Variants in BCL6 observed in about 807,000 individuals in gnomAD.
The protein encoded by BCL6 is B-cell lymphoma 6 protein.
Under a neutral mutation model 59.5 loss-of-function variants are expected in BCL6, and 7 were observed. The observed-to-expected ratio is 0.12, with a 90% CI of 0.07 to 0.22. The LOEUF (loss-of-function observed/expected upper bound fraction) is 0.22. Among genes scored for constraint, BCL6 ranks in the 10% least tolerant of loss-of-function variants. The pLI is 1.00. For missense variants in BCL6, 685 were observed against 939.4 expected (o/e 0.73, Z 3.54); for synonymous variants, 339 against 349.7 (o/e 0.97, Z 0.34).
chr3:187,726,586 A>G lies in BCL6; in HGVS notation c.1708+145T>C, dbSNP rs1718706956. 8.0e-6 allele frequency: 9 copies of G among 1,129,262 alleles called. No homozygotes were observed. The South Asian group carries it at 1.4e-4, about 18-fold the overall frequency. The allele number at this position is 1,129,262 out of a possible 1,614,324, so 70.0% of individuals were successfully genotyped here. A position where few individuals can be genotyped will look rare whatever the true frequency, so the allele number is the denominator to read the frequency against. The stretch of plus-strand genomic sequence containing the variant: ...CACTAAGCAAAGACAAGACAGGGTT[A>G]GACCCCTCGTTCAGGCCAGGATGGG... On this transcript the variant is annotated intron_variant, in intron 7 of 9. Coordinates refer to ENST00000406870, the MANE Select transcript of BCL6 (RefSeq NM_001706.5).
rs1181308800 is a variant in BCL6, at chr3:187,742,341, A to C, written c.-50+3069T>G. Reference sequence around the variant, plus strand: ...TACCATTTACTCAACCAATAACTGGAACTCTTCAAGGGCTCAGCAAACGAC... The same window carrying C: ...TACCATTTACTCAACCAATAACTGGCACTCTTCAAGGGCTCAGCAAACGAC... On this transcript the variant is annotated intron_variant, in intron 1 of 9. Coordinates refer to ENST00000406870, the MANE Select transcript of BCL6 (RefSeq NM_001706.5). Among the ~76,000 whole-genome samples the C allele has an allele frequency of 2.6e-5, 4 of 152,328 alleles. No homozygotes were observed. In the East Asian group the frequency reaches 7.7e-4, roughly 29 times the overall value.
rs747509903 is a variant in BCL6, at chr3:187,726,874, T to C, written c.1565A>G (p.Glu522Gly). The C allele has an allele frequency of 8.1e-6, 13 of 1,614,126 alleles. No homozygotes were observed. The highest frequency in any genetic ancestry group is 1.1e-5 in the Non-Finnish European group (13 of 1,180,026). The change falls in exon 7 of 10, where the codon GAG becomes GGG. Residue 522 changes from glutamate (E) to glycine (G), a missense_variant. Physicochemically the swap from Glu to Gly is moderately conservative, Grantham distance 98. This residue lies in a region of BCL6 where 207 missense variants were observed against 213.7 expected (regional missense o/e 0.97). Transcript: ENST00000406870. ...CTCCTCAGAGAAGCGGCAGTCACACTCATTGCAGAAGAAGGCCCCGTTCTC... is the reference window on the plus strand; with the variant it reads ...CTCCTCAGAGAAGCGGCAGTCACACCCATTGCAGAAGAAGGCCCCGTTCTC... Reference protein sequence around the residue: ...SCENGAFFCNECDCRFSEEAS... With the variant: ...SCENGAFFCNGCDCRFSEEAS...
At chr3:187,743,219 C>G (rs992413155) in intron 1 of BCL6, among the ~76,000 whole-genome samples, 2 of 151,882 alleles carry the variant, frequency 1.3e-5, no homozygotes, top group Admixed American at 1.3e-4. Context: ...TACTGACACT[C>G]ACTTTACTTT....
intron 1 of BCL6, among the ~76,000 whole-genome samples, chr3:187,741,713 C>T (rs1224834163): frequency 2.0e-5 from 3 of 152,348 alleles, no homozygotes; most frequent in African/African-American, 7.2e-5. Flanking sequence ...TGTTGATTCA[C>T]AGAGGGCTAC....
Position 187,729,812 on chromosome 3 carries a change from T to C in BCL6, c.593A>G (p.Tyr198Cys). The C allele has an allele frequency of 6.2e-7, 1 of 1,614,062 alleles. No individual in the cohort carries two copies. Among genetic ancestry groups the C allele is most frequent in the Non-Finnish European group, 8.5e-7 (1 of 1,180,008 alleles). The change falls in exon 5 of 10, where the codon TAC becomes TGC. Residue 198 changes from tyrosine to cysteine, a missense_variant. By Grantham distance (194) the Tyr-to-Cys change is radical (BLOSUM62 -2). Coordinates refer to ENST00000406870, the MANE Select transcript of BCL6 (RefSeq NM_001706.5). This position sits in a 1 kb window ranked among gnomAD's most constrained non-coding sequence, Gnocchi z 5.6. ...GAGGCTGCTGACAGGGAGGTGGCTG[T>C]ACATGGAATAAGAGGCTGGCGGTGT... ...LSTPPASYSM[Y>C]SHLPVSSLLF...
In BCL6 at chr3:187,726,791, G is replaced by A. The variant is rs1488674146; in HGVS notation, c.1648C>T (p.Arg550Cys). 15 of 1,614,058 alleles carry A rather than the reference G, an allele frequency of 9.3e-6. No individual in the cohort carries two copies. The highest frequency in any genetic ancestry group is 1.7e-5 in the Admixed American group (1 of 60,000). ...TTGTAGCGGAAGGAGGCCTGGCAGCGGTCACACTTGTAGGGTTTGTCACTG... is the reference window on the plus strand; with the variant it reads ...TTGTAGCGGAAGGAGGCCTGGCAGCAGTCACACTTGTAGGGTTTGTCACTG... ...THSDKPYKCD[R>C]CQASFRYKGN... Residue 550 changes from arginine (R) to cysteine (C), a missense_variant, in exon 7 of 10, where the codon CGC becomes TGC. Physicochemically the swap from Arg to Cys is radical, Grantham distance 180. This residue lies in a region of BCL6 where 42 missense variants were observed against 101.7 expected (regional missense o/e 0.41). Transcript: ENST00000406870.
chr3:187,733,883 G>A (rs1046642204), intron 2 of BCL6, 180 bp from the exon 3 acceptor site: 4 of 642,060 alleles, frequency 6.2e-6, no homozygotes, highest in Non-Finnish European at 1.1e-5. Flanking sequence ...TTTAAAATGG[G>A]GAGAATAACT....
chr3:187,736,549 C>G (rs908043221), intron 1 of BCL6: 3 of 152,222 alleles, frequency 2.0e-5, no homozygotes, highest in African/African-American at 4.8e-5. Context: ...CCAGATTTGC[C>G]ATTTCACCAT....
In BCL6 at chr3:187,722,304, G is replaced by GGGCCCCCCCCCCCCC; in HGVS notation, c.*153_*154insGGGGGGGGGGGGGCC. ...GCTGCTGCGGCTCCCAGTCCCCCAG[G>GGGCCCCCCCCCCCCC]CCCCGACCCCCACCACCCCCAACCC... On this transcript the variant is annotated 3_prime_UTR_variant, in exon 10 of 10. Transcript: ENST00000406870. 6.5e-6 allele frequency: 2 copies of GGGCCCCCCCCCCCCC among 309,286 alleles called. No individual in the cohort carries two copies. Among genetic ancestry groups the GGGCCCCCCCCCCCCC allele is most frequent in the East Asian group, 5.6e-5 (1 of 17,940 alleles). The allele number at this position is 309,286 out of a possible 1,614,324, so 19.2% of individuals were successfully genotyped here. A position where few individuals can be genotyped will look rare whatever the true frequency, so the allele number is the denominator to read the frequency against.
At chr3:187,726,601 G>A (rs1417155457) in intron 7 of BCL6, 130 bp downstream of exon 7, 1 of 1,325,184 alleles carries the variant, frequency 7.5e-7, no homozygotes, top group Admixed American at 2.3e-5. Context: ...CCTCGTTCAG[G>A]CCAGGATGGG....
In BCL6 at chr3:187,725,609, T is replaced by G; in HGVS notation, c.1729A>C (p.Asn577His). The G allele has an allele frequency of 6.2e-7, 1 of 1,614,174 alleles. No homozygotes were observed. ...CGGTTGAACTGGGCCCCACAGATGT[T>G]GCAACGATAGGGTTTCTCACCTATT... The part of the protein sequence containing the change: ...VHTGEKPYRC[N>H]ICGAQFNRPA... The change falls in exon 8 of 10, where the codon AAC becomes CAC. Residue 577 changes from asparagine (N) to histidine (H), a missense_variant. Physicochemically the swap from Asn to His is moderately conservative, Grantham distance 68 (BLOSUM62 1). This residue lies in a region of BCL6 where 42 missense variants were observed against 101.7 expected (regional missense o/e 0.41). Transcript: ENST00000406870. The surrounding 1 kb of genome is among the most constrained non-coding windows in gnomAD (Gnocchi z 4.7).
At chr3:187,742,112 A>G (rs549624383) in intron 1 of BCL6, among the ~76,000 whole-genome samples, 11 of 152,120 alleles carry the variant, frequency 7.2e-5, no homozygotes, top group African/African-American at 2.7e-4. Context: ...TTTTTTTTAA[A>G]TCTCTGGGGG....
chr3:187,740,349 C>G (rs141187658), intron 1 of BCL6, among the ~76,000 whole-genome samples: 1 of 151,926 alleles, frequency 6.6e-6, no homozygotes. Flanking sequence ...CTTAACCCCC[C>G]TCTTAACACG....
At chr3:187,741,120 C>T (rs1711570941) in intron 1 of BCL6, among the ~76,000 whole-genome samples, 1 of 152,196 alleles carries the variant, frequency 6.6e-6, no homozygotes, top group South Asian at 2.1e-4. Context: ...TATTTTCTGT[C>T]TGGTGGGGGC....
chr3:187,736,511 G>T (rs1719289758), intron 1 of BCL6: 1 of 152,174 alleles, frequency 6.6e-6, no homozygotes, highest in Non-Finnish European at 1.5e-5. Context: ...TGGATTTCCA[G>T]TCGCAGGCTT....
rs1718957505 is a variant in BCL6, at chr3:187,729,988, A to C, written c.417T>G (p.Pro139=). Residue 139 remains proline, a synonymous_variant, in exon 5 of 10, where the codon CCT becomes CCG. Coordinates refer to ENST00000406870, the MANE Select transcript of BCL6 (RefSeq NM_001706.5). This position sits in a 1 kb window ranked among gnomAD's most constrained non-coding sequence, Gnocchi z 5.6. ...TCCGGCTGTTGAGGAACTCTTCACG[A>C]GGAGGCTTGATGGCAGAAACCATCT... The part of the protein sequence containing the change: ...EAEMVSAIKP[P]REEFLNSRML... 1 of 1,587,270 alleles carries C rather than the reference A, an allele frequency of 6.3e-7. No homozygotes were observed. Among genetic ancestry groups the C allele is most frequent in the Admixed American group, 1.8e-5 (1 of 56,626 alleles).
At chr3:187,723,235 A>T (rs1718511541) in intron 9 of BCL6, among the ~76,000 whole-genome samples, 1 of 152,226 alleles carries the variant, frequency 6.6e-6, no homozygotes. Context: ...TATATCCTAG[A>T]TAAGCTAACT....
intron 1 of BCL6, among the ~76,000 whole-genome samples, chr3:187,738,882 G>A (rs1442508230): frequency 6.6e-6 from 1 of 152,206 alleles, no homozygotes; most frequent in Non-Finnish European, 1.5e-5. Context: ...ATTTAATAAG[G>A]GGTAGGGATG....
chr3:187,744,546 C>T (rs1711790908), intron 1 of BCL6, among the ~76,000 whole-genome samples: 1 of 152,128 alleles, frequency 6.6e-6, no homozygotes, highest in Non-Finnish European at 1.5e-5. Context: ...ATAGTAGACA[C>T]GATACTTCAT....
Sources: allele counts gnomAD v4.1 joint callset (sites outside exome capture counted in the v4.1 genomes callset), GRCh38; gene constraint gnomAD v4.1.1; regional missense constraint gnomAD v4.1.1; non-coding constraint Gnocchi (gnomAD v3.1); transcripts MANE v1.5; gene names NCBI Gene and HGNC (gene_info 2026-07-23, HGNC 2026-07-21).